Variants in CCDC30 observed in about 807,000 individuals in gnomAD.
CCDC30 encodes coiled-coil domain-containing protein 30.
CCDC30 carries 70 observed loss-of-function variants against 100.2 expected under a neutral mutation model. The ratio of observed to expected loss-of-function variants is 0.70; its 90% CI spans 0.58 to 0.85. The LOEUF is 0.85. Ranked by LOEUF, CCDC30 falls within the 40% of genes least tolerant of loss-of-function variation. The probability of loss-of-function intolerance (pLI) is 0.00; values close to 1 mark genes in which losing one functional copy is unlikely to be tolerated. For synonymous variants in CCDC30, 233 were observed against 269.5 expected, an observed-to-expected ratio of 0.86 and a Z score of 1.33; for missense variants, 652 against 771.2, an observed-to-expected ratio of 0.85 and a Z score of 1.83.
At chr1:42,594,743 AAG>A (rs1271787974) in intron 10 of CCDC30, 1 of 152,164 alleles carries the variant, frequency 6.6e-6, no homozygotes, top group Admixed American at 6.5e-5. Flanking sequence ...TAAAATAAAA[AAG>A]AAATGAAAAT....
At chr1:42,577,211 T>C (rs1645858049) in exon 8 of CCDC30, 1 of 1,613,072 alleles carries the variant, frequency 6.2e-7, no homozygotes, top group Non-Finnish European at 8.5e-7. Flanking sequence ...AATCTAAAGT[T>C]GCTGATGCAG....
At chr1:42,510,710 A>G (rs1644464690) in intron 6 of CCDC30, among the ~76,000 whole-genome samples, 1 of 152,046 alleles carries the variant, frequency 6.6e-6, no homozygotes, top group Admixed American at 6.6e-5. Context: ...ATCGTCAGAA[A>G]ATTGGCCTAA....
intron 15 of CCDC30, among the ~76,000 whole-genome samples, chr1:42,649,470 T>C (rs1023028975): frequency 6.6e-6 from 1 of 152,186 alleles, no homozygotes; most frequent in Non-Finnish European, 1.5e-5. Context: ...AAAGGCCATA[T>C]ATGACAAGCC....
intron 6 of CCDC30, among the ~76,000 whole-genome samples, chr1:42,550,105 T>C (rs572275590): frequency 1.7e-4 from 19 of 113,960 alleles, no homozygotes; most frequent in African/African-American, 4.1e-4. Context: ...CATTCACACA[T>C]TGATCAAGCC....
chr1:42,469,672 A>AGGAGGAT (rs1643703759), intron 1 of CCDC30, among the ~76,000 whole-genome samples: 1 of 152,214 alleles, frequency 6.6e-6, no homozygotes, highest in African/African-American at 2.4e-5. Flanking sequence ...AACCTTGATC[A>AGGAGGAT]GGAGGATGGG....
intron 6 of CCDC30, 127 bp from the exon 9 acceptor site, chr1:42,545,283 A>G: frequency 1.5e-6 from 1 of 687,626 alleles, no homozygotes; most frequent in Non-Finnish European, 2.2e-6. Flanking sequence ...ATCAGCCTTC[A>G]ATTAGGATGT....
chr1:42,557,652 T>G (rs1645396907), intron 6 of CCDC30, among the ~76,000 whole-genome samples: 2 of 147,678 alleles, frequency 1.4e-5, no homozygotes, highest in African/African-American at 4.9e-5. Context: ...ATAAAATATT[T>G]TATTTATATT....
chr1:42,621,724 G>C (rs548346250), intron 11 of CCDC30, among the ~76,000 whole-genome samples: 1 of 151,964 alleles, frequency 6.6e-6, no homozygotes, highest in Non-Finnish European at 1.5e-5. Context: ...TGTTAGCCAG[G>C]ATGGTCGCGA....
At chr1:42,482,028 C>T (rs1315634938) in intron 2 of CCDC30, among the ~76,000 whole-genome samples, 1 of 152,000 alleles carries the variant, frequency 6.6e-6, no homozygotes, top group African/African-American at 2.4e-5. Context: ...ACCAGCTTGG[C>T]CAACATGGTG....
intron 13 of CCDC30, among the ~76,000 whole-genome samples, chr1:42,644,040 C>G (rs1458405581): frequency 1.3e-5 from 2 of 152,118 alleles, no homozygotes; most frequent in Non-Finnish European, 2.9e-5. Context: ...TAACCATGTA[C>G]AGCCCAGAAG....
intron 6 of CCDC30, among the ~76,000 whole-genome samples, chr1:42,506,962 TG>T (rs1644404126): frequency 6.6e-6 from 1 of 152,214 alleles, no homozygotes; most frequent in South Asian, 2.1e-4. Context: ...ATTTTGCTCT[TG>T]TTGCCCAGGC....
intron 10 of CCDC30, among the ~76,000 whole-genome samples, chr1:42,600,657 G>A (rs150430175): frequency 1.1e-3 from 163 of 152,316 alleles, no homozygotes; most frequent in African/African-American, 3.9e-3. Flanking sequence ...ATGTTGACTT[G>A]TGATCCCAAG....
Position 42,565,739 on chromosome 1 carries a change from A to ATGTG in CCDC30, c.457-543_457-540dup, listed in dbSNP as rs149539237. ...TGTCAAAGAGATATCTGCAGAAGTG[A>ATGTG]TGTGTGTGTGTGTGTGTACACAATG... On this transcript the variant is annotated intron_variant, in intron 6 of 16. Coordinates refer to ENST00000668663, the Ensembl canonical transcript of CCDC30. Among the ~76,000 whole-genome samples the ATGTG allele has an allele frequency of 5.2e-3, 789 of 151,366 alleles. 7 individuals carry two copies. Among genetic ancestry groups the ATGTG allele is most frequent in the African/African-American group, 0.018 (761 of 41,396 alleles).
chr1:42,591,561 G>C (rs1397158977), intron 10 of CCDC30: 1 of 152,380 alleles, frequency 6.6e-6, no homozygotes, highest in African/African-American at 2.4e-5. Context: ...GATGATGTGA[G>C]AGATAGCCTG....
chr1:42,588,065 G>T (rs958167245), intron 9 of CCDC30, among the ~76,000 whole-genome samples: 46 of 152,318 alleles, frequency 3.0e-4, no homozygotes, highest in African/African-American at 9.4e-4. Flanking sequence ...TGAGGGGTAA[G>T]GAACCAATCA....
chr1:42,602,472 T>C (rs1646423421), intron 10 of CCDC30, among the ~76,000 whole-genome samples: 1 of 152,120 alleles, frequency 6.6e-6, no homozygotes, highest in Non-Finnish European at 1.5e-5. Context: ...GGAACATTAC[T>C]ACAGATGCCA....
At chr1:42,622,044 T>C (rs1317954152) in intron 11 of CCDC30, among the ~76,000 whole-genome samples, 1 of 152,224 alleles carries the variant, frequency 6.6e-6, no homozygotes, top group Non-Finnish European at 1.5e-5. Context: ...AAAACTTTTT[T>C]TATAGTCATA....
chr1:42,502,709 C>A (rs1482218177), intron 6 of CCDC30, among the ~76,000 whole-genome samples: 2 of 152,280 alleles, frequency 1.3e-5, no homozygotes, highest in East Asian at 3.9e-4. Flanking sequence ...CCCCCTCCCC[C>A]CAGCCTCTGG....
chr1:42,539,163 T>C lies in CCDC30; in HGVS notation c.457-27133T>C, dbSNP rs1308005742. 6.4e-7 allele frequency: 1 copy of C among 1,559,354 alleles called. No individual in the cohort carries two copies. The highest frequency in any genetic ancestry group is 8.7e-7 in the Non-Finnish European group (1 of 1,150,384). On this transcript the variant is annotated intron_variant, in intron 6 of 16. Transcript: ENST00000668663. ...TTTTATTCTACTAAATGTCTTCATT[T>C]CTTAATCAGGAATTGCAAAAATCAA...
Sources: allele counts gnomAD v4.1 joint callset (sites outside exome capture counted in the v4.1 genomes callset), GRCh38; gene constraint gnomAD v4.1.1; transcripts MANE v1.5; gene names NCBI Gene and HGNC (gene_info 2026-07-23, HGNC 2026-07-21).